The following MBNL1 variants were observed in gnomAD, a reference collection of about 807,000 sequenced individuals.
The protein encoded by MBNL1 is muscleblind like splicing regulator 1.
In MBNL1, 8 loss-of-function variants were observed where a neutral mutation model predicts 42.2. The observed-to-expected ratio is 0.19, with a 90% CI of 0.11 to 0.34. MBNL1 has a LOEUF of 0.34. MBNL1 is among the 10% of genes least tolerant of loss of function. The probability of loss-of-function intolerance (pLI) is 1.00; values close to 1 mark genes in which losing one functional copy is unlikely to be tolerated. For missense variants in MBNL1, 309 were observed against 495.3 expected (o/e 0.62, Z 3.57); for synonymous variants, 169 against 173.9 (o/e 0.97, Z 0.22).
chr3:152,365,246 G>A (rs1391092192), intron 2 of MBNL1, among the ~76,000 whole-genome samples: 4 of 151,242 alleles, frequency 2.6e-5, no homozygotes, highest in Admixed American at 6.6e-5. Flanking sequence ...AAATGGGCAT[G>A]GGGCCTAAAC....
chr3:152,450,085 A>G (rs1719093635), intron 6 of MBNL1, among the ~76,000 whole-genome samples: 1 of 137,140 alleles, frequency 7.3e-6, no homozygotes, highest in Admixed American at 8.0e-5. Flanking sequence ...TGGGCAAAGG[A>G]GTGAGACTCC....
At chr3:152,432,084 T>C (rs1342502777) in intron 3 of MBNL1, among the ~76,000 whole-genome samples, 1 of 152,218 alleles carries the variant, frequency 6.6e-6, no homozygotes, top group African/African-American at 2.4e-5. Flanking sequence ...TGTGATAGGC[T>C]AGTGGAACAC....
chr3:152,447,281 T>G (rs2099241981), intron 5 of MBNL1, among the ~76,000 whole-genome samples: 1 of 152,182 alleles, frequency 6.6e-6, no homozygotes, highest in African/African-American at 2.4e-5. Flanking sequence ...CTCATGGAGC[T>G]CGCAGTGCGG....
In MBNL1 at chr3:152,445,406, T is replaced by C. The variant is rs776468801; in HGVS notation, c.674T>C (p.Ile225Thr). 6.2e-7 allele frequency: 1 copy of C among 1,614,020 alleles called. No individual in the cohort carries two copies. Among genetic ancestry groups the C allele is most frequent in the Non-Finnish European group, 8.5e-7 (1 of 1,179,962 alleles). The change falls in exon 5 of 10, where the codon ATC becomes ACC. Residue 225 changes from isoleucine to threonine, a missense_variant. Physicochemically the swap from Ile to Thr is moderately conservative, Grantham distance 89. Coordinates refer to ENST00000324210, the MANE Select transcript of MBNL1 (RefSeq NM_021038.5). ...ACAGTCACTGTGTGTATGGATTACA[T>C]CAAAGGGAGATGCTCTCGGGAAAAG... ...DNTVTVCMDYIKGRCSREKCK... is the reference protein window; with the variant it reads ...DNTVTVCMDYTKGRCSREKCK...
Position 152,400,104 on chromosome 3 carries a change from A to G in MBNL1, c.175-14837A>G, listed in dbSNP as rs74949830. On this transcript the variant is annotated intron_variant, in intron 2 of 9. Coordinates refer to ENST00000324210, the MANE Select transcript of MBNL1 (RefSeq NM_021038.5). ...GATTTGTACTATGAGGCTAATAAGA[A>G]TACCTCATGGGATTGCCATGAGGAT... Among the ~76,000 whole-genome samples the G allele has an allele frequency of 6.3e-3, 962 of 152,278 alleles. 12 individuals are homozygous for G. Among genetic ancestry groups the G allele is most frequent in the African/African-American group, 0.022 (907 of 41,556 alleles).
chr3:152,325,094 C>CCCCCCA, intron 2 of MBNL1, among the ~76,000 whole-genome samples: 1 of 71,622 alleles, frequency 1.4e-5, no homozygotes, highest in Non-Finnish European at 3.4e-5. Flanking sequence ...CCCGCCCCCC[C>CCCCCCA]CCGCCCGCTT....
chr3:152,344,781 A>C (rs2093942739), intron 2 of MBNL1, among the ~76,000 whole-genome samples: 1 of 152,152 alleles, frequency 6.6e-6, no homozygotes, highest in Non-Finnish European at 1.5e-5. Flanking sequence ...TAGACTATAG[A>C]GTCCATTTGT....
intron 2 of MBNL1, among the ~76,000 whole-genome samples, chr3:152,389,276 A>T (rs1202971971): frequency 6.6e-6 from 1 of 152,096 alleles, no homozygotes; most frequent in Non-Finnish European, 1.5e-5. Context: ...TTTAGTAGAG[A>T]TGGGGTTTCT....
At chr3:152,456,467 G>A (rs878959831) in intron 8 of MBNL1, 106 bp downstream of exon 8, 2 of 880,208 alleles carry the variant, frequency 2.3e-6, no homozygotes, top group East Asian at 2.5e-5. Flanking sequence ...GGAATCGTGT[G>A]TACGTGAGGG....
chr3:152,322,972 C>T (rs944615372), intron 2 of MBNL1, among the ~76,000 whole-genome samples: 8 of 152,022 alleles, frequency 5.3e-5, no homozygotes, highest in Admixed American at 6.6e-5. Flanking sequence ...AATAGACTGA[C>T]GGTTTGTGGG....
intron 2 of MBNL1, among the ~76,000 whole-genome samples, chr3:152,331,204 A>C (rs1168670415): frequency 6.6e-6 from 1 of 151,942 alleles, no homozygotes; most frequent in Non-Finnish European, 1.5e-5. Context: ...ACACATACAC[A>C]CATACACACA....
At chr3:152,372,252 C>G (rs890865467) in intron 2 of MBNL1, among the ~76,000 whole-genome samples, 1 of 152,160 alleles carries the variant, frequency 6.6e-6, no homozygotes, top group South Asian at 2.1e-4. Flanking sequence ...AGAATGTGCT[C>G]CTTTAGCTCG....
At chr3:152,319,121 TAAC>T (rs2074434440) in intron 2 of MBNL1, among the ~76,000 whole-genome samples, 1 of 152,172 alleles carries the variant, frequency 6.6e-6, no homozygotes, top group African/African-American at 2.4e-5. Flanking sequence ...TAAAATATGA[TAAC>T]AAAAACTTCA....
chr3:152,259,851 TA>T (rs1336602460), intron 2 of MBNL1, among the ~76,000 whole-genome samples: 5 of 152,268 alleles, frequency 3.3e-5, no homozygotes, highest in Non-Finnish European at 5.9e-5. Context: ...TTGAATTCAA[TA>T]AAAAAGGGAG....
chr3:152,389,699 T>C (rs2097598441), intron 2 of MBNL1, among the ~76,000 whole-genome samples: 1 of 152,140 alleles, frequency 6.6e-6, no homozygotes, highest in African/African-American at 2.4e-5. Context: ...ATATTTATGA[T>C]GACTGGAACT....
chr3:152,404,330 C>G (rs2098355394), intron 2 of MBNL1, among the ~76,000 whole-genome samples: 1 of 152,020 alleles, frequency 6.6e-6, no homozygotes, highest in Admixed American at 6.5e-5. Context: ...ATCTAGAAGG[C>G]TGAGTAGACT....
chr3:152,421,061 A>G (rs759185614), intron 3 of MBNL1, among the ~76,000 whole-genome samples: 2 of 152,202 alleles, frequency 1.3e-5, no homozygotes, highest in Non-Finnish European at 2.9e-5. Context: ...TGAAGACAAG[A>G]TTAGAGAAAA....
intron 2 of MBNL1, among the ~76,000 whole-genome samples, chr3:152,376,374 T>G (rs1017783252): frequency 3.3e-5 from 5 of 152,230 alleles, no homozygotes; most frequent in African/African-American, 1.2e-4. Flanking sequence ...CTTTAATTGT[T>G]TATCTCCATT....
At chr3:152,309,655 G>A (rs2065239532) in intron 2 of MBNL1, among the ~76,000 whole-genome samples, 1 of 152,138 alleles carries the variant, frequency 6.6e-6, no homozygotes, top group South Asian at 2.1e-4. Flanking sequence ...TCAATTTTCT[G>A]CAAAAATACA....
Sources: allele counts gnomAD v4.1 joint callset (sites outside exome capture counted in the v4.1 genomes callset), GRCh38; gene constraint gnomAD v4.1.1; transcripts MANE v1.5; gene names NCBI Gene and HGNC (gene_info 2026-07-23, HGNC 2026-07-21).